BDP1: variants seen among roughly 807,000 people sequenced by gnomAD.
BDP1 encodes the protein BDP1 general transcription factor IIIB subunit, also known as transcription factor TFIIIB component B'' homolog.
A neutral mutation model predicts 266.6 loss-of-function variants in BDP1; 169 were observed. The observed-to-expected ratio is 0.63, with a 90% CI of 0.56 to 0.72. BDP1 has a LOEUF of 0.72. Ranked by LOEUF, BDP1 falls within the 30% of genes least tolerant of loss-of-function variation. The pLI, the probability that BDP1 is intolerant of heterozygous loss-of-function variation, is 0.00. For synonymous variants in BDP1, 1,090 were observed against 1,022.4 expected (o/e 1.07, Z -1.26); for missense variants, 3,015 against 3,053.8 (o/e 0.99, Z 0.30).
chr5:71,563,721 T>A (rs559479249), intron 38 of BDP1, among the ~76,000 whole-genome samples: 1 of 152,312 alleles, frequency 6.6e-6, no homozygotes, highest in South Asian at 2.1e-4. Flanking sequence ...GAGACCAGCC[T>A]GGCCAACATG....
chr5:71,569,983 T>C (rs929426773), downstream of BDP1, among the ~76,000 whole-genome samples: 2 of 152,264 alleles, frequency 1.3e-5, no homozygotes, highest in Non-Finnish European at 2.9e-5. Flanking sequence ...GGTCAGAGAA[T>C]GGGGGTGGTT....
At position 71,470,408 on chromosome 5, in the gene BDP1, T is replaced by A; in HGVS notation, c.933T>A (p.Phe311Leu). The change falls in exon 7 of 39, where the codon TTT becomes TTA. Residue 311 changes from phenylalanine (F) to leucine (L), a missense_variant. By Grantham distance (22) the Phe-to-Leu change is conservative. This residue lies in a region of BDP1 where 2,383 missense variants were observed against 2,404.9 expected (regional missense o/e 0.99). Coordinates refer to ENST00000358731, the MANE Select transcript of BDP1 (RefSeq NM_018429.3). ...TTATTTTCACAGAAACAGATATGTT[T>A]TTTTTAGCCATCAGCATGGTAGGAA... Reference protein sequence around the residue: ...KPWSNKETDMFFLAISMVGTD... With the variant: ...KPWSNKETDMLFLAISMVGTD... 6.2e-7 allele frequency: 1 copy of A among 1,604,418 alleles called. No homozygotes were observed.
intron 32 of BDP1, among the ~76,000 whole-genome samples, chr5:71,546,569 G>T (rs1742324449): frequency 8.6e-6 from 1 of 116,084 alleles, no homozygotes; most frequent in South Asian, 3.0e-4. Context: ...AGTGGCCAAA[G>T]ATCGTGCCAT....
chr5:71,474,704 AG>A (rs982580889), intron 7 of BDP1, among the ~76,000 whole-genome samples: 10 of 151,406 alleles, frequency 6.6e-5, no homozygotes, highest in African/African-American at 2.4e-4. Flanking sequence ...AAAATTAGCC[AG>A]GTGTGGTGGC....
At position 71,483,899 on chromosome 5, in the gene BDP1, A is replaced by G. The variant is rs1413349281; in HGVS notation, c.1069+3A>G. ...ATGGAGAATAGACAAAGCATTCCGT[A>G]AGTATTAAGACCTCTTTTACAAAGT... On this transcript the variant is annotated splice_donor_region_variant and intron_variant, in intron 8 of 38. Coordinates refer to ENST00000358731, the MANE Select transcript of BDP1 (RefSeq NM_018429.3). The G allele has an allele frequency of 8.1e-6, 13 of 1,604,488 alleles. No homozygotes were observed. The highest frequency in any genetic ancestry group is 1.1e-5 in the Non-Finnish European group (13 of 1,172,300).
intron 7 of BDP1, 76 bp downstream of exon 7, chr5:71,470,565 C>T: frequency 1.0e-6 from 1 of 962,858 alleles, no homozygotes. Flanking sequence ...ATTCGCTTAC[C>T]TTTGGTTTAA....
chr5:71,529,103 G>T (rs1292525812), intron 25 of BDP1, among the ~76,000 whole-genome samples: 1 of 152,016 alleles, frequency 6.6e-6, no homozygotes, highest in Admixed American at 6.6e-5. Flanking sequence ...TCTTTAAAAA[G>T]CATTGAGGCC....
chr5:71,515,127 AC>A lies in BDP1; in HGVS notation c.4649+6del. On this transcript the variant is annotated splice_donor_region_variant and intron_variant, in intron 20 of 38. Transcript: ENST00000358731. ...TGACTCAGTTGTTTCTGTGGGGTAA[AC>A]AGTGATTTTCTTTGACAATATAAAA... is the stretch of plus-strand genomic sequence containing the variant. 1 of 1,567,902 alleles carries A rather than the reference AC, an allele frequency of 6.4e-7. No individual in the cohort carries two copies. Among genetic ancestry groups the A allele is most frequent in the Non-Finnish European group, 8.6e-7 (1 of 1,162,578 alleles).
rs1402504910 is a variant in BDP1, at chr5:71,553,340, C to T, written c.7200+20C>T. On this transcript the variant is annotated intron_variant, in intron 35 of 38. Coordinates refer to ENST00000358731, the MANE Select transcript of BDP1 (RefSeq NM_018429.3). Reference sequence around the variant, plus strand: ...ACTGAGGTAAGTGGTATATTAAGTACCACTCAATATGGCCATTAAGTAAGA... The same window carrying T: ...ACTGAGGTAAGTGGTATATTAAGTATCACTCAATATGGCCATTAAGTAAGA... The T allele has an allele frequency of 1.3e-6, 2 of 1,556,858 alleles. No individual in the cohort carries two copies. The highest frequency in any genetic ancestry group is 2.7e-5 in the African/African-American group (2 of 73,664).
intron 17 of BDP1, among the ~76,000 whole-genome samples, chr5:71,511,676 G>T (rs1764929152): frequency 6.6e-6 from 1 of 151,798 alleles, no homozygotes; most frequent in Non-Finnish European, 1.5e-5. Flanking sequence ...TTCCAACTGT[G>T]AAAAAGTCAC....
chr5:71,572,841 A>G, the BDP1 span, among the ~76,000 whole-genome samples: 830 of 152,308 alleles, frequency 5.4e-3, 8 homozygotes, highest in African/African-American at 0.019. Flanking sequence ...TTTGTACTGT[A>G]CTTCTACCAT....
intron 27 of BDP1, 94 bp from the exon 28 acceptor site, chr5:71,539,463 C>T (rs1305420276): frequency 2.2e-6 from 2 of 911,204 alleles, no homozygotes; most frequent in Non-Finnish European, 3.4e-6. Context: ...GGAATCTGCT[C>T]CTAGGAGATA....
chr5:71,487,513 G>GA (rs1763339483), intron 9 of BDP1, among the ~76,000 whole-genome samples: 1 of 152,172 alleles, frequency 6.6e-6, no homozygotes, highest in Non-Finnish European at 1.5e-5. Context: ...AAAGTGCTGG[G>GA]ATTACAGGCG....
Position 71,455,998 on chromosome 5 carries a change from A to G in BDP1, c.121A>G (p.Thr41Ala), listed in dbSNP as rs2150335423. The change falls in exon 1 of 39, where the codon ACG becomes GCG. Residue 41 changes from threonine (T) to alanine (A), a missense_variant. Thr to Ala is a moderately conservative substitution (Grantham distance 58). This residue lies in a region of BDP1 where 2,383 missense variants were observed against 2,404.9 expected (regional missense o/e 0.99). Transcript: ENST00000358731. ...RESPRPPDPA[T>A]DSASKPAEPT... Reference sequence around the variant, plus strand: ...GTCTCCCAGGCCGCCGGATCCTGCCACGGACTCTGCTTCCAAGCCCGCGGA... The same window carrying G: ...GTCTCCCAGGCCGCCGGATCCTGCCGCGGACTCTGCTTCCAAGCCCGCGGA... 2.5e-6 allele frequency: 4 copies of G among 1,613,560 alleles called. No homozygotes were observed. Among genetic ancestry groups the G allele is most frequent in the Non-Finnish European group, 3.4e-6 (4 of 1,179,976 alleles).
At chr5:71,529,200 G>A (rs575679061) in intron 25 of BDP1, among the ~76,000 whole-genome samples, 1 of 151,862 alleles carries the variant, frequency 6.6e-6, no homozygotes, top group African/African-American at 2.4e-5. Context: ...GACCAGCCTG[G>A]CCAACATGGT....
intron 1 of BDP1, among the ~76,000 whole-genome samples, chr5:71,457,263 G>T (rs975829471): frequency 7.9e-6 from 1 of 127,276 alleles, no homozygotes; most frequent in African/African-American, 2.9e-5. Flanking sequence ...AATATAATTT[G>T]TTTTTTAGTC....
chr5:71,467,423 C>A lies in BDP1; in HGVS notation c.855C>A (p.Arg285=). ...AAGAAAATGACCCCATATTTGAGCG[C>A]GGTTCTACAACTACATACTCCAGCT... ...VVEENDPIFE[R]GSTTTYSSFR... The change falls in exon 6 of 39, where the codon CGC becomes CGA. Residue 285 remains arginine, a synonymous_variant. Transcript: ENST00000358731. The A allele has an allele frequency of 6.2e-7, 1 of 1,610,170 alleles. No individual in the cohort carries two copies. Among genetic ancestry groups the A allele is most frequent in the Non-Finnish European group, 8.5e-7 (1 of 1,176,608 alleles).
chr5:71,496,130 T>G (rs1763875476), intron 12 of BDP1, among the ~76,000 whole-genome samples: 1 of 151,312 alleles, frequency 6.6e-6, no homozygotes, highest in Non-Finnish European at 1.5e-5. Context: ...TAGTCCCAGC[T>G]ACTTGGGAGG....
At chr5:71,464,660 C>T (rs1761784664) in intron 4 of BDP1, among the ~76,000 whole-genome samples, 1 of 151,158 alleles carries the variant, frequency 6.6e-6, no homozygotes, top group Non-Finnish European at 1.5e-5. Context: ...CTGCCTCAGC[C>T]TCCTGAGTAG....
Sources: gnomAD v4.1 joint callset for allele counts (sites outside exome capture counted in the v4.1 genomes callset) on GRCh38, gnomAD v4.1.1 for gene constraint, gnomAD v4.1.1 regional missense constraint, MANE v1.5 for transcripts, NCBI Gene and HGNC (gene_info 2026-07-23, HGNC 2026-07-21) for gene names.